Variants in KCNJ10 observed in about 807,000 individuals in gnomAD.
The protein encoded by KCNJ10 is ATP-sensitive inward rectifier potassium channel 10.
A neutral mutation model predicts 22.2 loss-of-function variants in KCNJ10; 9 were observed. That is an observed-to-expected ratio of 0.40 (90% CI 0.24 to 0.71). The LOEUF (loss-of-function observed/expected upper bound fraction) is 0.71. Ranked by LOEUF, KCNJ10 falls within the 30% of genes least tolerant of loss-of-function variation. KCNJ10 has a pLI of 0.35. For missense variants in KCNJ10, 337 were observed against 482.7 expected, an observed-to-expected ratio of 0.70 and a Z score of 2.83; for synonymous variants, 184 against 187.3, an observed-to-expected ratio of 0.98 and a Z score of 0.15.
intron 1 of KCNJ10, among the ~76,000 whole-genome samples, chr1:160,047,616 T>C (rs1648778546): frequency 6.6e-6 from 1 of 152,190 alleles, no homozygotes; most frequent in African/African-American, 2.4e-5. Context: ...AACTGTTAGT[T>C]ACTCCCTTTG....
intron 1 of KCNJ10, among the ~76,000 whole-genome samples, chr1:160,055,704 C>T (rs1272385576): frequency 3.9e-5 from 6 of 152,116 alleles, no homozygotes; most frequent in African/African-American, 4.8e-5. Context: ...CTGTTACTCT[C>T]GGACACCATG....
chr1:160,047,053 CT>C (rs1458485799), intron 1 of KCNJ10, among the ~76,000 whole-genome samples: 1 of 152,208 alleles, frequency 6.6e-6, no homozygotes, highest in Non-Finnish European at 1.5e-5. Flanking sequence ...AGCACGTTCC[CT>C]CAGCAAGTAC....
In KCNJ10 at chr1:160,040,583, CAG is replaced by C. The variant is rs1648577487; in HGVS notation, c.*808_*809del. Reference sequence around the variant, plus strand: ...CTTCCATTCACAGGACACAGGGAAACAGATCTTCTCTGGGCTGCCTGGAAGAT... The same window carrying C: ...CTTCCATTCACAGGACACAGGGAAACATCTTCTCTGGGCTGCCTGGAAGAT... On this transcript the variant is annotated 3_prime_UTR_variant, in exon 2 of 2. Transcript: ENST00000644903. 2 of 398,570 alleles carry C rather than the reference CAG, an allele frequency of 5.0e-6. No individual in the cohort carries two copies. The highest frequency in any genetic ancestry group is 2.1e-5 in the African/African-American group (1 of 48,624). 24.7% of individuals were successfully genotyped at this position (398,570 alleles called of 1,614,324 possible).
chr1:160,041,067 C>T lies in KCNJ10; in HGVS notation c.*326G>A. ...GGTGGGAGGTAGGGGGCAGTCTATC[C>T]TTCCAACCACATGGTCCTCCTAATG... On this transcript the variant is annotated 3_prime_UTR_variant, in exon 2 of 2. Coordinates refer to ENST00000644903, the MANE Select transcript of KCNJ10 (RefSeq NM_002241.5). The surrounding 1 kb of genome is among the most constrained non-coding windows in gnomAD (Gnocchi z 4.4). 2.4e-6 allele frequency: 1 copy of T among 408,666 alleles called. No homozygotes were observed. Among genetic ancestry groups the T allele is most frequent in the Non-Finnish European group, 4.5e-6 (1 of 219,898 alleles). The allele number at this position is 408,666 out of a possible 1,614,324, so 25.3% of individuals were successfully genotyped here. A position where few individuals can be genotyped will look rare whatever the true frequency, so the allele number is the denominator to read the frequency against.
At chr1:160,064,311 A>G (rs948336324) in intron 1 of KCNJ10, among the ~76,000 whole-genome samples, 6 of 152,188 alleles carry the variant, frequency 3.9e-5, no homozygotes, top group Non-Finnish European at 8.8e-5. Flanking sequence ...ATTATTTCAC[A>G]GTGTTCAGTA....
chr1:160,049,675 T>TTTTATATATATATATATATA (rs1553235648), intron 1 of KCNJ10, among the ~76,000 whole-genome samples: 1 of 47,096 alleles, frequency 2.1e-5, no homozygotes, highest in Non-Finnish European at 4.1e-5. Flanking sequence ...TTTTATTTAT[T>TTTTATATATATATATATATA]TATATATATA....
At chr1:160,054,189 C>T (rs1331501778) in intron 1 of KCNJ10, among the ~76,000 whole-genome samples, 1 of 152,198 alleles carries the variant, frequency 6.6e-6, no homozygotes, top group Non-Finnish European at 1.5e-5. Context: ...TTCACACTAC[C>T]CCTATTGCAC....
chr1:160,049,653 A>C (rs1648828562), intron 1 of KCNJ10, among the ~76,000 whole-genome samples: 1 of 139,102 alleles, frequency 7.2e-6, no homozygotes, highest in Non-Finnish European at 1.5e-5. Flanking sequence ...TCATTGAAAG[A>C]AGGATCCAGC....
intron 1 of KCNJ10, among the ~76,000 whole-genome samples, chr1:160,065,206 C>G (rs952067721): frequency 1.3e-5 from 2 of 152,040 alleles, no homozygotes; most frequent in Non-Finnish European, 2.9e-5. Flanking sequence ...CTTGAGATCT[C>G]CTATAGAATT....
intron 1 of KCNJ10, among the ~76,000 whole-genome samples, chr1:160,061,218 A>C (rs868252857): frequency 6.6e-6 from 1 of 152,288 alleles, no homozygotes; most frequent in Middle Eastern, 3.4e-3. Context: ...GGGGAAAAAC[A>C]CAAAAAAACT....
In KCNJ10 at chr1:160,041,268, T is replaced by C; in HGVS notation, c.*125A>G. ...CCTAAGCTACCAACAGGCCACTGGG[T>C]TAAAGAAGAGGGAGTGGAGGATGGG... On this transcript the variant is annotated 3_prime_UTR_variant, in exon 2 of 2. Coordinates refer to ENST00000644903, the MANE Select transcript of KCNJ10 (RefSeq NM_002241.5). This position sits in a 1 kb window ranked among gnomAD's most constrained non-coding sequence, Gnocchi z 4.4. 9.9e-7 allele frequency: 1 copy of C among 1,008,218 alleles called. No individual in the cohort carries two copies. Among genetic ancestry groups the C allele is most frequent in the Non-Finnish European group, 1.5e-6 (1 of 668,184 alleles). 62.5% of individuals were successfully genotyped at this position (1,008,218 alleles called of 1,614,324 possible). A position where few individuals can be genotyped will look rare whatever the true frequency, so the allele number is the denominator to read the frequency against.
In KCNJ10 at chr1:160,068,592, C is replaced by T. The variant is rs1310386766; in HGVS notation, c.-1+1430G>A. Reference sequence around the variant, plus strand: ...CTGGACCCTCTCCCTGGCATGATGCCTTCCATCCCCCTCCTCCCTCGTTTC... The same window carrying T: ...CTGGACCCTCTCCCTGGCATGATGCTTTCCATCCCCCTCCTCCCTCGTTTC... On this transcript the variant is annotated intron_variant, in intron 1 of 1. Transcript: ENST00000644903. Among the ~76,000 whole-genome samples, 3 of 152,300 alleles carry T rather than the reference C, an allele frequency of 2.0e-5. No individual in the cohort carries two copies. The East Asian group carries it at 5.8e-4, about 29-fold the overall frequency.
chr1:160,047,565 G>T (rs147067706), intron 1 of KCNJ10, among the ~76,000 whole-genome samples: 3 of 152,154 alleles, frequency 2.0e-5, no homozygotes, highest in Admixed American at 2.0e-4. Flanking sequence ...GCCCTGCTCC[G>T]TGCCTACCTG....
intron 1 of KCNJ10, among the ~76,000 whole-genome samples, chr1:160,067,223 G>A (rs1649342156): frequency 6.6e-6 from 1 of 152,146 alleles, no homozygotes; most frequent in Non-Finnish European, 1.5e-5. Context: ...ACACCCACGG[G>A]AGGGCATTTC....
At chr1:160,061,026 G>A (rs1484859028) in intron 1 of KCNJ10, among the ~76,000 whole-genome samples, 4 of 152,172 alleles carry the variant, frequency 2.6e-5, no homozygotes, top group East Asian at 3.9e-4. Flanking sequence ...AGTGACCTTC[G>A]GAGGTTCTTT....
At chr1:160,058,623 G>C (rs1649102916) in intron 1 of KCNJ10, among the ~76,000 whole-genome samples, 1 of 152,120 alleles carries the variant, frequency 6.6e-6, no homozygotes, top group Admixed American at 6.5e-5. Context: ...TGGGAGAAAG[G>C]ATGAATGAAA....
rs1455409396 is a variant in KCNJ10 at position 160,040,894 on chromosome 1, C to T, written c.*499G>A. 1 of 331,286 alleles carries T rather than the reference C, an allele frequency of 3.0e-6. No individual in the cohort carries two copies. The highest frequency in any genetic ancestry group is 5.5e-6 in the Non-Finnish European group (1 of 182,022). 20.5% of individuals were successfully genotyped at this position (331,286 alleles called of 1,614,324 possible). On this transcript the variant is annotated 3_prime_UTR_variant, in exon 2 of 2. Transcript: ENST00000644903. ...TTCTTTCAACAGAGATTGGTAGAAACCCTAGGATATGTTGATATCAGATTC... is the reference window on the plus strand; with the variant it reads ...TTCTTTCAACAGAGATTGGTAGAAATCCTAGGATATGTTGATATCAGATTC...
intron 1 of KCNJ10, among the ~76,000 whole-genome samples, chr1:160,044,031 AC>A (rs2101925994): frequency 6.6e-6 from 1 of 151,368 alleles, no homozygotes; most frequent in East Asian, 1.9e-4. Context: ...TGCCCACCCC[AC>A]CCCCCATCTC....
intron 1 of KCNJ10, 87 bp from the exon 2 acceptor site, chr1:160,042,619 A>C: frequency 9.0e-7 from 1 of 1,114,546 alleles, no homozygotes; most frequent in Non-Finnish European, 1.4e-6. Context: ...AGGAATTAAC[A>C]TTCATTTGAA....
Sources: gnomAD v4.1 joint callset for allele counts (sites outside exome capture counted in the v4.1 genomes callset) on GRCh38, gnomAD v4.1.1 for gene constraint, Gnocchi (gnomAD v3.1) non-coding constraint, MANE v1.5 for transcripts, NCBI Gene and HGNC (gene_info 2026-07-23, HGNC 2026-07-21) for gene names.